TMEM117: variants seen among roughly 807,000 people sequenced by gnomAD.
TMEM117 encodes the protein transmembrane protein 117.
In TMEM117, 27 loss-of-function variants were observed where a neutral mutation model predicts 52.4. The observed-to-expected ratio is 0.51, with a 90% CI of 0.38 to 0.71. The LOEUF is 0.71. Among genes scored for constraint, TMEM117 ranks in the 30% least tolerant of loss-of-function variants. The pLI, the probability that TMEM117 is intolerant of heterozygous loss-of-function variation, is 0.00. For synonymous variants in TMEM117, 215 were observed against 206.3 expected (o/e 1.04, Z -0.36); for missense variants, 556 against 630.5 (o/e 0.88, Z 1.26).
intron 3 of TMEM117, among the ~76,000 whole-genome samples, chr12:44,087,309 A>G (rs554092421): frequency 6.6e-6 from 1 of 152,270 alleles, no homozygotes; most frequent in East Asian, 1.9e-4. Flanking sequence ...TTGAGTCGGA[A>G]GTGTGTTGGA....
chr12:44,068,683 C>G (rs1276464317), intron 3 of TMEM117, among the ~76,000 whole-genome samples: 1 of 152,026 alleles, frequency 6.6e-6, no homozygotes, highest in African/African-American at 2.4e-5. Flanking sequence ...GATCACTGAT[C>G]ACAGATTACT....
rs549641580 is a variant in TMEM117 at position 44,191,423 on chromosome 12, A to G, written c.511-19867A>G. On this transcript the variant is annotated intron_variant, in intron 4 of 7. Transcript: ENST00000266534. The stretch of plus-strand genomic sequence containing the variant: ...TCAATCATTTATCTATCTATAAACT[A>G]TATACATATAGCTGTATATATACCA... Among the ~76,000 whole-genome samples the G allele has an allele frequency of 1.2e-4, 18 of 152,222 alleles. No individual in the cohort carries two copies. In the South Asian group the frequency reaches 3.7e-3, roughly 32 times the overall value.
chr12:44,127,168 C>A (rs1280044216), intron 3 of TMEM117, among the ~76,000 whole-genome samples: 1 of 152,068 alleles, frequency 6.6e-6, no homozygotes, highest in Middle Eastern at 3.2e-3. Flanking sequence ...AAATTAGGAT[C>A]ATAGAGATTT....
chr12:44,013,005 TTC>T (rs897446915), intron 3 of TMEM117, among the ~76,000 whole-genome samples: 40 of 151,646 alleles, frequency 2.6e-4, no homozygotes, highest in African/African-American at 9.7e-4. Flanking sequence ...CACACTTTTT[TTC>T]TTTTTTCTCT....
intron 2 of TMEM117, among the ~76,000 whole-genome samples, chr12:43,853,509 T>C (rs12230751): frequency 0.037 from 5,710 of 152,278 alleles, 270 homozygotes; most frequent in African/African-American, 0.1. Flanking sequence ...CTCCTGACCT[T>C]GTGATCCACC....
chr12:44,243,099 GTTGT>G (rs377501569), intron 5 of TMEM117, among the ~76,000 whole-genome samples: 1,761 of 151,964 alleles, frequency 0.012, 21 homozygotes, highest in South Asian at 0.052. Flanking sequence ...TCTTAATGGG[GTTGT>G]TTGTTTTTCT....
chr12:44,095,333 G>T (rs1264475863), intron 3 of TMEM117, among the ~76,000 whole-genome samples: 1 of 151,852 alleles, frequency 6.6e-6, no homozygotes, highest in African/African-American at 2.4e-5. Context: ...CCATTTTTTG[G>T]CAAAAACTTT....
At chr12:44,104,363 A>G (rs1947916209) in intron 3 of TMEM117, among the ~76,000 whole-genome samples, 1 of 151,680 alleles carries the variant, frequency 6.6e-6, no homozygotes, top group Non-Finnish European at 1.5e-5. Context: ...ACACAATCTC[A>G]TCAATCAAAA....
intron 4 of TMEM117, 127 bp downstream of exon 4, chr12:44,143,751 G>A (rs1259038682): frequency 3.2e-6 from 2 of 631,826 alleles, no homozygotes; most frequent in East Asian, 2.8e-5. Context: ...ACAAATTTAT[G>A]AGTAAAGATA....
intron 3 of TMEM117, among the ~76,000 whole-genome samples, chr12:43,969,212 CAACCCTTTAA>C (rs1434441108): frequency 1.3e-5 from 2 of 151,674 alleles, no homozygotes; most frequent in Non-Finnish European, 2.9e-5. Context: ...ACAGATTTAT[CAACCCTTTAA>C]AACTTAATTT....
the TMEM117 span, among the ~76,000 whole-genome samples, chr12:43,799,952 AC>A: frequency 1.1e-4 from 17 of 152,130 alleles, no homozygotes; most frequent in African/African-American, 3.9e-4. Context: ...AAAAAATACT[AC>A]AAAGAGGTCT....
chr12:43,967,127 T>G (rs1376363252), intron 3 of TMEM117, among the ~76,000 whole-genome samples: 1 of 25,126 alleles, frequency 4.0e-5, no homozygotes, highest in African/African-American at 8.2e-5. Flanking sequence ...ATGTTACTTC[T>G]TCTTCTTTTT....
chr12:44,379,805 T>A (rs561693698), intron 7 of TMEM117, among the ~76,000 whole-genome samples: 52 of 152,328 alleles, frequency 3.4e-4, no homozygotes, highest in African/African-American at 1.3e-3. Context: ...CGAGCCCTGG[T>A]ACTTTTTTTA....
chr12:44,016,108 T>C (rs115544507), intron 3 of TMEM117, among the ~76,000 whole-genome samples: 268 of 152,278 alleles, frequency 1.8e-3, no homozygotes, highest in African/African-American at 6.1e-3. Context: ...CCCTTCAGTT[T>C]TTAGTGGAGT....
chr12:44,012,216 A>AT (rs1946303593), intron 3 of TMEM117, among the ~76,000 whole-genome samples: 1 of 150,968 alleles, frequency 6.6e-6, no homozygotes, highest in Admixed American at 6.6e-5. Context: ...TTCTTTTAAG[A>AT]TTTTTTTCCT....
At chr12:43,880,631 C>T (rs1943879854) in intron 2 of TMEM117, among the ~76,000 whole-genome samples, 1 of 152,172 alleles carries the variant, frequency 6.6e-6, no homozygotes. Flanking sequence ...TAAAGATCTC[C>T]TGCAGGCTGA....
At chr12:43,981,760 TC>T (rs1259593747) in intron 3 of TMEM117, among the ~76,000 whole-genome samples, 2 of 152,056 alleles carry the variant, frequency 1.3e-5, no homozygotes, top group African/African-American at 4.8e-5. Flanking sequence ...AATTACCTTT[TC>T]AAGAGATGTT....
chr12:43,844,841 T>A lies in TMEM117; in HGVS notation c.190T>A (p.Trp64Arg). ...AAATAAATACCCTAGAGGAGTTGGC[T>A]GGAGGATTTTGAAGGTGCTTCTATG... ...VTNKYPRGVG[W>R]RILKVLLWLL... The change falls in exon 2 of 8, where the codon TGG (tryptophan) becomes AGG (arginine). Residue 64 changes from tryptophan (W) to arginine (R), a missense_variant. Coordinates refer to ENST00000266534, the MANE Select transcript of TMEM117 (RefSeq NM_032256.3). 6.2e-7 allele frequency: 1 copy of A among 1,614,212 alleles called. No individual in the cohort carries two copies.
At chr12:44,233,905 C>G (rs1487463948) in intron 5 of TMEM117, among the ~76,000 whole-genome samples, 1 of 151,382 alleles carries the variant, frequency 6.6e-6, no homozygotes, top group African/African-American at 2.4e-5. Flanking sequence ...TATGAACATT[C>G]TTGTATGTTA....
Sources: allele counts gnomAD v4.1 joint callset (sites outside exome capture counted in the v4.1 genomes callset), GRCh38; gene constraint gnomAD v4.1.1; transcripts MANE v1.5; gene names NCBI Gene and HGNC (gene_info 2026-07-23, HGNC 2026-07-21).